Variants in ZNF664 observed in about 807,000 individuals in gnomAD.
ZNF664 encodes the protein zinc finger Organ of Corti 1.
Under a neutral mutation model 18.2 loss-of-function variants are expected in ZNF664, and 10 were observed. That is an observed-to-expected ratio of 0.55 (90% confidence interval 0.34 to 0.93). ZNF664 has a LOEUF of 0.93. Among genes scored for constraint, ZNF664 ranks in the 40% least tolerant of loss-of-function variants. The pLI is 0.02. For missense variants in ZNF664, 193 were observed against 319.0 expected, an observed-to-expected ratio of 0.61 and a Z score of 3.01; for synonymous variants, 119 against 104.2, an observed-to-expected ratio of 1.14 and a Z score of -0.86.
At chr12:124,003,967 G>A (rs1957042025) in intron 3 of ZNF664, among the ~76,000 whole-genome samples, 1 of 152,188 alleles carries the variant, frequency 6.6e-6, no homozygotes, top group Non-Finnish European at 1.5e-5. Context: ...TTTGAATAAG[G>A]TGCGGTGTCA....
At position 124,011,953 on chromosome 12, in the gene ZNF664, T is replaced by C. The variant is rs1367455933; in HGVS notation, c.-192T>C. The C allele has an allele frequency of 7.1e-6, 10 of 1,417,670 alleles. No individual in the cohort carries two copies. Among genetic ancestry groups the C allele is most frequent in the Non-Finnish European group, 6.4e-6 (7 of 1,094,512 alleles). The allele number at this position is 1,417,670 out of a possible 1,614,324, so 87.8% of individuals were successfully genotyped here. A position where few individuals can be genotyped will look rare whatever the true frequency, so the allele number is the denominator to read the frequency against. ...GATAATAATACTGAGTGAGGAACACTATGCAGGAAGAAACCTTCCGTAGAA... is the reference window on the plus strand; with the variant it reads ...GATAATAATACTGAGTGAGGAACACCATGCAGGAAGAAACCTTCCGTAGAA... On this transcript the variant is annotated 5_prime_UTR_variant, in exon 5 of 5. Coordinates refer to ENST00000337815, the MANE Select transcript of ZNF664 (RefSeq NM_152437.3).
chr12:124,005,676 G>A (rs1172512438), intron 3 of ZNF664, among the ~76,000 whole-genome samples: 2 of 152,200 alleles, frequency 1.3e-5, no homozygotes, highest in African/African-American at 4.8e-5. Flanking sequence ...TCTTGGGAAT[G>A]TTCTTCATTC....
intron 3 of ZNF664, among the ~76,000 whole-genome samples, chr12:123,994,649 C>T (rs564510492): frequency 6.6e-6 from 1 of 152,330 alleles, no homozygotes; most frequent in South Asian, 2.1e-4. Context: ...GTAGCCTTTT[C>T]AGATAATTGT....
intron 2 of ZNF664, among the ~76,000 whole-genome samples, chr12:123,983,982 T>G (rs1422541634): frequency 6.6e-6 from 1 of 152,216 alleles, no homozygotes; most frequent in African/African-American, 2.4e-5. Flanking sequence ...GTGACATTGA[T>G]TTCAAGTCCT....
chr12:124,001,177 AT>A (rs1957007562), intron 3 of ZNF664, among the ~76,000 whole-genome samples: 1 of 152,038 alleles, frequency 6.6e-6, no homozygotes, highest in Non-Finnish European at 1.5e-5. Context: ...AGTCTGATAC[AT>A]TTTTCTCTCA....
At chr12:123,994,224 G>C (rs1217767865) in intron 3 of ZNF664, among the ~76,000 whole-genome samples, 1 of 152,028 alleles carries the variant, frequency 6.6e-6, no homozygotes, top group Non-Finnish European at 1.5e-5. Context: ...AAAAAAAGTG[G>C]GTTTAAGATG....
chr12:123,987,297 A>G (rs1956836953), intron 2 of ZNF664, among the ~76,000 whole-genome samples: 1 of 152,210 alleles, frequency 6.6e-6, no homozygotes, highest in Non-Finnish European at 1.5e-5. Context: ...CATAACTCCC[A>G]GGGGAAAGTG....
intron 1 of ZNF664, chr12:123,973,560 CCCTCGGG>C (rs950364784): frequency 5.9e-6 from 2 of 341,368 alleles, no homozygotes; most frequent in Non-Finnish European, 8.3e-6. Context: ...GAGAAGCCGC[CCCTCGGG>C]CCTCGGGCGG....
At chr12:123,995,206 C>G (rs1370782648) in intron 3 of ZNF664, among the ~76,000 whole-genome samples, 1 of 152,142 alleles carries the variant, frequency 6.6e-6, no homozygotes, top group East Asian at 1.9e-4. Context: ...AAGCCCCATC[C>G]TCTGCTGAGT....
intron 2 of ZNF664, among the ~76,000 whole-genome samples, chr12:123,986,640 G>A (rs1956828920): frequency 6.6e-6 from 1 of 152,144 alleles, no homozygotes; most frequent in African/African-American, 2.4e-5. Context: ...TGCTTTTATT[G>A]TTGTTCCAAG....
At position 124,013,088 on chromosome 12, in the gene ZNF664, A is replaced by G. The variant is rs951499063; in HGVS notation, c.*158A>G. Reference sequence around the variant, plus strand: ...TGAGATTGATTTGTTGGTTCATGCCAAGTGTGTTCCACAGGTTGACTTTGA... The same window carrying G: ...TGAGATTGATTTGTTGGTTCATGCCGAGTGTGTTCCACAGGTTGACTTTGA... On this transcript the variant is annotated 3_prime_UTR_variant, in exon 5 of 5. Coordinates refer to ENST00000337815, the MANE Select transcript of ZNF664 (RefSeq NM_152437.3). 1 of 1,040,132 alleles carries G rather than the reference A, an allele frequency of 9.6e-7. No individual in the cohort carries two copies. The highest frequency in any genetic ancestry group is 1.4e-6 in the Non-Finnish European group (1 of 728,948). 64.4% of individuals were successfully genotyped at this position (1,040,132 alleles called of 1,614,324 possible).
intron 3 of ZNF664, among the ~76,000 whole-genome samples, chr12:124,009,585 A>C (rs964245701): frequency 1.3e-5 from 2 of 152,080 alleles, no homozygotes; most frequent in African/African-American, 2.4e-5. Context: ...TGTAGCCTTG[A>C]ACTCCCAGGC....
intron 2 of ZNF664, among the ~76,000 whole-genome samples, chr12:123,981,319 C>G (rs1956762672): frequency 1.3e-5 from 2 of 152,190 alleles, no homozygotes; most frequent in East Asian, 1.9e-4. Flanking sequence ...CATGTTGAAA[C>G]TTAATCCCCA....
intron 3 of ZNF664, among the ~76,000 whole-genome samples, chr12:123,990,801 G>A (rs756669338): frequency 1.3e-5 from 2 of 151,952 alleles, no homozygotes; most frequent in African/African-American, 4.9e-5. Flanking sequence ...GAGGCAGAGT[G>A]CAGGAAAGTG....
chr12:124,010,565 A>G (rs189097223), intron 3 of ZNF664, among the ~76,000 whole-genome samples: 51 of 152,338 alleles, frequency 3.3e-4, no homozygotes, highest in African/African-American at 1.2e-3. Flanking sequence ...CTCCACCAGA[A>G]TGAAGCAGGA....
chr12:124,012,837 G>A lies in ZNF664; in HGVS notation c.693G>A (p.Glu231=), dbSNP rs1957148551. The A allele has an allele frequency of 6.2e-7, 1 of 1,613,892 alleles. No homozygotes were observed. Among genetic ancestry groups the A allele is most frequent in the Non-Finnish European group, 8.5e-7 (1 of 1,179,976 alleles). Residue 231 remains glutamate (E), a synonymous_variant, in exon 5 of 5, where the codon GAG becomes GAA. Transcript: ENST00000337815. ...GAGAGAAACCTTTCAAATGTGATGAGTGCGGAAAGGCCTTCAGTCAGAGTA... is the reference window on the plus strand; with the variant it reads ...GAGAGAAACCTTTCAAATGTGATGAATGCGGAAAGGCCTTCAGTCAGAGTA... The part of the protein sequence containing the change: ...HTGEKPFKCD[E]CGKAFSQSTS...
At chr12:123,999,338 G>C (rs1230714401) in intron 3 of ZNF664, among the ~76,000 whole-genome samples, 1 of 152,122 alleles carries the variant, frequency 6.6e-6, no homozygotes, top group African/African-American at 2.4e-5. Context: ...GATAGATCTG[G>C]TTCTGGGTAG....
chr12:124,001,325 C>A (rs1310707481), intron 3 of ZNF664, among the ~76,000 whole-genome samples: 4 of 152,210 alleles, frequency 2.6e-5, no homozygotes, highest in African/African-American at 9.6e-5. Context: ...CTACAGTTTT[C>A]TATTTAAAAT....
At chr12:124,008,078 C>A (rs1957094113) in intron 3 of ZNF664, among the ~76,000 whole-genome samples, 1 of 152,194 alleles carries the variant, frequency 6.6e-6, no homozygotes. Context: ...CTGATTACAT[C>A]TGATTGTTAT....
Sources: gnomAD v4.1 joint callset for allele counts (sites outside exome capture counted in the v4.1 genomes callset) on GRCh38, gnomAD v4.1.1 for gene constraint, MANE v1.5 for transcripts, NCBI Gene and HGNC (gene_info 2026-07-23, HGNC 2026-07-21) for gene names.